GRB14: variants seen among roughly 807,000 people sequenced by gnomAD.
GRB14 encodes the protein growth factor receptor bound protein 14.
In GRB14, 38 loss-of-function variants were observed where a neutral mutation model predicts 69.1. That is an observed-to-expected ratio of 0.55 (90% CI 0.42 to 0.72). The LOEUF (loss-of-function observed/expected upper bound fraction) is 0.72. Among genes scored for constraint, GRB14 ranks in the 30% least tolerant of loss-of-function variants. The pLI is 0.00. For synonymous variants in GRB14, 247 were observed against 241.3 expected (o/e 1.02, Z -0.22); for missense variants, 666 against 666.1 (o/e 1.00, Z 0.00).
chr2:164,533,669 A>G (rs893010765), intron 3 of GRB14, among the ~76,000 whole-genome samples: 5 of 152,244 alleles, frequency 3.3e-5, no homozygotes, highest in African/African-American at 1.2e-4. Context: ...TTTGGACTGC[A>G]TCAAAAAAGA....
rs1023527497 is a variant in GRB14, at chr2:164,492,566, T to C, written c.*470A>G. ...AAAATATATAATTCAAAATAGTTTTTAGTTTCATTAACAGGTTGTGGATAG... is the reference window on the plus strand; with the variant it reads ...AAAATATATAATTCAAAATAGTTTTCAGTTTCATTAACAGGTTGTGGATAG... On this transcript the variant is annotated 3_prime_UTR_variant, in exon 14 of 14. Transcript: ENST00000263915. Among the ~76,000 whole-genome samples, 7 of 151,824 alleles carry C rather than the reference T, an allele frequency of 4.6e-5. No homozygotes were observed. Among genetic ancestry groups the C allele is most frequent in the African/African-American group, 1.7e-4 (7 of 41,422 alleles).
At chr2:164,590,375 A>G (rs1027097613) in intron 2 of GRB14, among the ~76,000 whole-genome samples, 2 of 152,238 alleles carry the variant, frequency 1.3e-5, no homozygotes, top group Admixed American at 6.5e-5. Flanking sequence ...AAAAAAAGTT[A>G]GTTGTCTCAA....
intron 3 of GRB14, among the ~76,000 whole-genome samples, chr2:164,546,596 A>C (rs772955418): frequency 9.2e-5 from 14 of 152,172 alleles, no homozygotes; most frequent in Non-Finnish European, 1.6e-4. Context: ...CCCCTCCCAC[A>C]AGCTTGTGAA....
At chr2:164,545,148 A>C (rs1688342231) in intron 3 of GRB14, among the ~76,000 whole-genome samples, 1 of 152,226 alleles carries the variant, frequency 6.6e-6, no homozygotes, top group African/African-American at 2.4e-5. Context: ...AAGTCTGAAC[A>C]AATTGAAGCA....
At chr2:164,527,618 T>C (rs1002765166) in intron 3 of GRB14, among the ~76,000 whole-genome samples, 5 of 151,966 alleles carry the variant, frequency 3.3e-5, no homozygotes, top group African/African-American at 1.2e-4. Flanking sequence ...CAGACTAATC[T>C]GGATAGCTGA....
chr2:164,523,970 T>G (rs762982148), intron 5 of GRB14, among the ~76,000 whole-genome samples: 3 of 152,088 alleles, frequency 2.0e-5, no homozygotes, highest in Non-Finnish European at 2.9e-5. Context: ...CAGCTGCTGC[T>G]GCCATTTACC....
At position 164,582,193 on chromosome 2, in the gene GRB14, A is replaced by G. The variant is rs141244724; in HGVS notation, c.325-34377T>C. On this transcript the variant is annotated intron_variant, in intron 2 of 13. Transcript: ENST00000263915. The stretch of plus-strand genomic sequence containing the variant: ...TCTAAGCCAAACTGATGGTGTCACC[A>G]TTTGCCACCCAAACCTAGTCTTCCT... Among the ~76,000 whole-genome samples the G allele has an allele frequency of 7.8e-3, 1,190 of 152,176 alleles. 21 individuals are homozygous for G. Among genetic ancestry groups the G allele is most frequent in the African/African-American group, 0.027 (1,103 of 41,516 alleles).
intron 2 of GRB14, among the ~76,000 whole-genome samples, chr2:164,563,359 C>T (rs1688883340): frequency 6.6e-6 from 1 of 152,180 alleles, no homozygotes; most frequent in Non-Finnish European, 1.5e-5. Flanking sequence ...TCCTCTCTTC[C>T]TTCCTGATGA....
intron 2 of GRB14, among the ~76,000 whole-genome samples, chr2:164,559,461 T>A (rs933174249): frequency 6.6e-6 from 1 of 152,080 alleles, no homozygotes; most frequent in Non-Finnish European, 1.5e-5. Flanking sequence ...TCCCCCCAAG[T>A]CCCCGAAGTC....
At chr2:164,571,716 A>T (rs547497828) in intron 2 of GRB14, among the ~76,000 whole-genome samples, 1 of 152,200 alleles carries the variant, frequency 6.6e-6, no homozygotes, top group African/African-American at 2.4e-5. Flanking sequence ...GAGGAAATTA[A>T]GGCCAGAAGA....
intron 3 of GRB14, among the ~76,000 whole-genome samples, chr2:164,531,900 A>G (rs917229028): frequency 6.6e-6 from 1 of 152,202 alleles, no homozygotes; most frequent in Non-Finnish European, 1.5e-5. Flanking sequence ...ATGACAGAGA[A>G]GCAATAGCTA....
chr2:164,541,198 T>TA (rs1313932936), intron 3 of GRB14, among the ~76,000 whole-genome samples: 2 of 152,154 alleles, frequency 1.3e-5, no homozygotes, highest in East Asian at 3.8e-4. Flanking sequence ...CCAGTCGTGG[T>TA]GGCTCTCGCC....
chr2:164,545,679 A>G (rs990670452), intron 3 of GRB14, among the ~76,000 whole-genome samples: 1 of 152,236 alleles, frequency 6.6e-6, no homozygotes, highest in Non-Finnish European at 1.5e-5. Context: ...AACAGCAACC[A>G]CAGGAAACTA....
Position 164,497,076 on chromosome 2 carries a change from T to G in GRB14, c.1314A>C (p.Pro438=), listed in dbSNP as rs149801569. 1.2e-5 allele frequency: 20 copies of G among 1,613,880 alleles called. No homozygotes were observed. In the East Asian group the frequency reaches 4.5e-4, roughly 36 times the overall value. Residue 438 remains proline (P), a synonymous_variant, in exon 12 of 14, where the codon CCA becomes CCC. Coordinates refer to ENST00000263915, the MANE Select transcript of GRB14 (RefSeq NM_004490.3). ...CTCTAGAAATTTTGTGGTGAAACCA[T>G]GGCTGGGACCGGTGGATAGCTAAAG... is the stretch of plus-strand genomic sequence containing the variant. ...ATNMAIHRSQ[P]WFHHKISRDE...
At chr2:164,594,955 T>A (rs1288420120) in intron 2 of GRB14, among the ~76,000 whole-genome samples, 1 of 152,164 alleles carries the variant, frequency 6.6e-6, no homozygotes, top group Non-Finnish European at 1.5e-5. Flanking sequence ...TGAAAATGGT[T>A]TTGCCCTTTA....
intron 6 of GRB14, among the ~76,000 whole-genome samples, chr2:164,520,689 T>C (rs1365331717): frequency 6.6e-6 from 1 of 151,722 alleles, no homozygotes; most frequent in Admixed American, 6.6e-5. Context: ...CATCAAAAAG[T>C]ACGCTGAAGA....
chr2:164,514,078 A>C (rs760893174), intron 6 of GRB14, among the ~76,000 whole-genome samples: 1 of 152,256 alleles, frequency 6.6e-6, no homozygotes, highest in Non-Finnish European at 1.5e-5. Context: ...ACATATAAGC[A>C]TGTAGACAAA....
intron 2 of GRB14, among the ~76,000 whole-genome samples, chr2:164,548,183 AACC>A (rs1688435403): frequency 6.6e-6 from 1 of 152,154 alleles, no homozygotes; most frequent in South Asian, 2.1e-4. Context: ...TGTCCTTGGT[AACC>A]ACTGTTTTGT....
At position 164,527,041 on chromosome 2, in the gene GRB14, G is replaced by A. The variant is rs750609733; in HGVS notation, c.576C>T (p.Ala192=). The A allele has an allele frequency of 3.1e-6, 5 of 1,596,972 alleles. No individual in the cohort carries two copies. Among genetic ancestry groups the A allele is most frequent in the Non-Finnish European group, 4.3e-6 (5 of 1,168,098 alleles). Residue 192 remains alanine, a synonymous_variant, in exon 4 of 14, where the codon GCC becomes GCT. Transcript: ENST00000263915. ...ENKLYFRKNY[A]KYEFFKNPMY... ...TTGGGTTTTTAAAGAACTCATATTT[G>A]GCATAATTTTTTCTAAAGTATAGTT...
Sources: gnomAD v4.1 joint callset for allele counts (sites outside exome capture counted in the v4.1 genomes callset) on GRCh38, gnomAD v4.1.1 for gene constraint, MANE v1.5 for transcripts, NCBI Gene and HGNC (gene_info 2026-07-23, HGNC 2026-07-21) for gene names.